GABRB1: variants seen among roughly 807,000 people sequenced by gnomAD.
GABRB1 encodes gamma-aminobutyric acid receptor subunit beta-1.
GABRB1 carries 17 observed loss-of-function variants against 51.6 expected under a neutral mutation model. That is an observed-to-expected ratio of 0.33 (90% CI 0.23 to 0.49). The LOEUF is 0.49. Among genes scored for constraint, GABRB1 ranks in the 20% least tolerant of loss-of-function variants. The probability of loss-of-function intolerance (pLI) is 0.99; values close to 1 mark genes in which losing one functional copy is unlikely to be tolerated. For synonymous variants in GABRB1, 247 were observed against 218.9 expected, an observed-to-expected ratio of 1.13 and a Z score of -1.14; for missense variants, 410 against 600.6, an observed-to-expected ratio of 0.68 and a Z score of 3.32.
intron 3 of GABRB1, among the ~76,000 whole-genome samples, chr4:47,095,635 C>T (rs1474359961): frequency 6.6e-6 from 1 of 152,232 alleles, no homozygotes; most frequent in East Asian, 1.9e-4. Context: ...TTAATCTTCA[C>T]ATTCTTCATT....
chr4:47,405,127 A>G (rs559124362), intron 7 of GABRB1, among the ~76,000 whole-genome samples: 2 of 152,358 alleles, frequency 1.3e-5, no homozygotes, highest in East Asian at 3.9e-4. Flanking sequence ...CACATTAGCT[A>G]GAATTGTATC....
chr4:47,322,332 C>G (rs1725114988), intron 5 of GABRB1, among the ~76,000 whole-genome samples: 1 of 152,122 alleles, frequency 6.6e-6, no homozygotes, highest in South Asian at 2.1e-4. Flanking sequence ...TAATTATCAT[C>G]AAAGTGATCC....
intron 4 of GABRB1, among the ~76,000 whole-genome samples, chr4:47,285,464 CTTAT>C (rs1235147715): frequency 6.6e-6 from 1 of 152,152 alleles, no homozygotes; most frequent in Non-Finnish European, 1.5e-5. Context: ...TGTTTCACAA[CTTAT>C]TTATAGTATC....
chr4:47,006,235 A>G (rs1038570460), intron 1 of GABRB1, among the ~76,000 whole-genome samples: 5 of 152,094 alleles, frequency 3.3e-5, no homozygotes, highest in Non-Finnish European at 7.4e-5. Flanking sequence ...AAAATTTCAT[A>G]AGTCTACCAA....
chr4:47,355,396 G>A (rs728294), intron 5 of GABRB1, among the ~76,000 whole-genome samples: 62,336 of 151,676 alleles, frequency 0.41, 13,342 homozygotes, highest in Middle Eastern at 0.47. Context: ...GAATTCATTC[G>A]CTCTCATCTT....
chr4:47,410,365 T>C (rs1335363501), intron 8 of GABRB1, among the ~76,000 whole-genome samples: 4 of 152,118 alleles, frequency 2.6e-5, no homozygotes, highest in Admixed American at 2.6e-4. Context: ...CTTTAAGACA[T>C]GGGAGAGTAA....
intron 3 of GABRB1, among the ~76,000 whole-genome samples, chr4:47,048,002 C>T (rs758087592): frequency 1.3e-5 from 2 of 152,164 alleles, no homozygotes; most frequent in Non-Finnish European, 2.9e-5. Context: ...ATAATTATAT[C>T]TGTCCTACTT....
chr4:47,295,712 A>T (rs1723958950), intron 4 of GABRB1, among the ~76,000 whole-genome samples: 1 of 152,228 alleles, frequency 6.6e-6, no homozygotes. Flanking sequence ...GAAAGTCCTC[A>T]ATCTAGCAAG....
chr4:47,385,011 T>A (rs1205299146), intron 5 of GABRB1, among the ~76,000 whole-genome samples: 1 of 152,224 alleles, frequency 6.6e-6, no homozygotes, highest in Non-Finnish European at 1.5e-5. Flanking sequence ...TTTTCATTTG[T>A]CCTAGTGAAC....
intron 3 of GABRB1, among the ~76,000 whole-genome samples, chr4:47,080,590 A>G (rs1442203354): frequency 6.6e-6 from 1 of 152,028 alleles, no homozygotes; most frequent in Non-Finnish European, 1.5e-5. Context: ...TATTATGTCT[A>G]TTTTGTTTTG....
chr4:47,323,241 A>G, intron 5 of GABRB1, among the ~76,000 whole-genome samples: 1 of 152,240 alleles, frequency 6.6e-6, no homozygotes, highest in East Asian at 1.9e-4. Flanking sequence ...ACCCTTAAAA[A>G]GAGAAGCTTC....
At chr4:47,213,413 T>A (rs1720438729) in intron 4 of GABRB1, among the ~76,000 whole-genome samples, 1 of 151,992 alleles carries the variant, frequency 6.6e-6, no homozygotes, top group Admixed American at 6.6e-5. Context: ...ATTAATATTT[T>A]CACATTCGCT....
rs1717951170 is a variant in GABRB1, at chr4:47,161,413, A to G, written c.405A>G (p.Thr135=). 2 of 1,612,806 alleles carry G rather than the reference A, an allele frequency of 1.2e-6. No individual in the cohort carries two copies. Among genetic ancestry groups the G allele is most frequent in the East Asian group, 2.2e-5 (1 of 44,830 alleles). The change falls in exon 4 of 9, where the codon ACA becomes ACG. Residue 135 remains threonine (T), a synonymous_variant. Coordinates refer to ENST00000295454, the MANE Select transcript of GABRB1 (RefSeq NM_000812.4). ...NDKKSFVHGV[T]VKNRMIRLHP... is the part of the protein sequence containing the mutation. ...AGAAATCATTTGTGCATGGGGTCAC[A>G]GTGAAAAATCGAATGATTCGACTGC...
At chr4:47,071,756 G>A (rs935079569) in intron 3 of GABRB1, among the ~76,000 whole-genome samples, 5 of 150,162 alleles carry the variant, frequency 3.3e-5, no homozygotes, top group Admixed American at 6.7e-5. Flanking sequence ...GAACAGCACC[G>A]TGCATATGAA....
At chr4:47,230,510 A>T (rs910293203) in intron 4 of GABRB1, among the ~76,000 whole-genome samples, 1 of 152,200 alleles carries the variant, frequency 6.6e-6, no homozygotes, top group African/African-American at 2.4e-5. Flanking sequence ...AGGGCTAAAA[A>T]TTCAGTAACT....
intron 4 of GABRB1, among the ~76,000 whole-genome samples, chr4:47,229,156 T>C (rs1721052356): frequency 6.6e-6 from 1 of 152,170 alleles, no homozygotes; most frequent in Non-Finnish European, 1.5e-5. Flanking sequence ...AATGGCTTTT[T>C]GGAGACTTAA....
intron 4 of GABRB1, among the ~76,000 whole-genome samples, chr4:47,261,035 T>C (rs1250987356): frequency 6.6e-6 from 1 of 152,182 alleles, no homozygotes; most frequent in Non-Finnish European, 1.5e-5. Flanking sequence ...AATTAGGTAT[T>C]GATGGGACAA....
At chr4:47,129,422 T>C (rs1716310109) in intron 3 of GABRB1, among the ~76,000 whole-genome samples, 1 of 152,144 alleles carries the variant, frequency 6.6e-6, no homozygotes, top group East Asian at 1.9e-4. Flanking sequence ...AAACGTGAAT[T>C]TAGTCTTGTC....
At chr4:47,376,957 A>G (rs895234776) in intron 5 of GABRB1, among the ~76,000 whole-genome samples, 1 of 152,090 alleles carries the variant, frequency 6.6e-6, no homozygotes, top group Non-Finnish European at 1.5e-5. Context: ...TTCCTATAAC[A>G]TTTTGTATAG....
Sources: gnomAD v4.1 joint callset for allele counts (sites outside exome capture counted in the v4.1 genomes callset) on GRCh38, gnomAD v4.1.1 for gene constraint, MANE v1.5 for transcripts, NCBI Gene and HGNC (gene_info 2026-07-23, HGNC 2026-07-21) for gene names.